The following OTUD7B variants were observed in gnomAD, a reference collection of about 807,000 sequenced individuals.
The protein encoded by OTUD7B is OTU deubiquitinase 7B, also known as OTU domain-containing protein 7B.
OTUD7B carries 34 observed loss-of-function variants against 82.2 expected under a neutral mutation model. That is an observed-to-expected ratio of 0.41 (90% confidence interval 0.31 to 0.55). The LOEUF (loss-of-function observed/expected upper bound fraction) is 0.55, where lower values mean the gene tolerates loss of function less well. Ranked by LOEUF, OTUD7B falls within the 20% of genes least tolerant of loss-of-function variation. OTUD7B has a pLI of 0.20. For synonymous variants in OTUD7B, 398 were observed against 402.7 expected, an observed-to-expected ratio of 0.99 and a Z score of 0.14; for missense variants, 944 against 1,062.1, an observed-to-expected ratio of 0.89 and a Z score of 1.55.
the OTUD7B span, among the ~76,000 whole-genome samples, chr1:150,028,490 A>G: frequency 7.2e-5 from 11 of 152,344 alleles, no homozygotes; most frequent in Admixed American, 3.9e-4. Flanking sequence ...ATACAGTTCA[A>G]TGGTATTAAG....
At position 149,941,839 on chromosome 1, in the gene OTUD7B, A is replaced by G. The variant is rs975381895; in HGVS notation, c.*2018T>C. On this transcript the variant is annotated 3_prime_UTR_variant, in exon 12 of 12. Transcript: ENST00000581312. ...TTTATAGTAACCCTTAAATTTTGCA[A>G]CTTAGGGGAGTGCTCATCTCATACC... The G allele has an allele frequency of 2.0e-5, 3 of 152,166 alleles. No individual in the cohort carries two copies. Among genetic ancestry groups the G allele is most frequent in the Admixed American group, 6.5e-5 (1 of 15,268 alleles). The allele number at this position is 152,166 out of a possible 1,614,324, so 9.4% of individuals were successfully genotyped here.
At chr1:149,995,793 G>A (rs1301541353) in intron 1 of OTUD7B, among the ~76,000 whole-genome samples, 1 of 151,982 alleles carries the variant, frequency 6.6e-6, no homozygotes. Flanking sequence ...CACATCCCAG[G>A]TATGGCACAC....
chr1:149,982,878 G>A (rs1213372194), intron 1 of OTUD7B, among the ~76,000 whole-genome samples: 10 of 113,530 alleles, frequency 8.8e-5, no homozygotes, highest in Non-Finnish European at 1.5e-4. Flanking sequence ...ACGGAGTCTC[G>A]CTCTGTCTCC....
intron 1 of OTUD7B, among the ~76,000 whole-genome samples, chr1:149,999,635 A>T (rs1196536701): frequency 6.6e-6 from 1 of 152,188 alleles, no homozygotes; most frequent in Non-Finnish European, 1.5e-5. Flanking sequence ...AGGCTGAGGT[A>T]GGAGGATGGC....
the OTUD7B span, among the ~76,000 whole-genome samples, chr1:150,042,045 A>C: frequency 3.3e-4 from 50 of 150,422 alleles, no homozygotes; most frequent in African/African-American, 6.1e-4. Flanking sequence ...TTCTTTCTTT[A>C]TTTATTTTTT....
intron 1 of OTUD7B, among the ~76,000 whole-genome samples, chr1:150,003,627 G>C (rs782169100): frequency 4.6e-5 from 7 of 152,086 alleles, no homozygotes; most frequent in Non-Finnish European, 8.8e-5. Flanking sequence ...CCTCCCACTA[G>C]ACCCATACGC....
At chr1:150,028,006 C>T in the OTUD7B span, among the ~76,000 whole-genome samples, 1 of 152,130 alleles carries the variant, frequency 6.6e-6, no homozygotes, top group African/African-American at 2.4e-5. Flanking sequence ...ATCACAAAAC[C>T]ATAATTTTAG....
intron 1 of OTUD7B, among the ~76,000 whole-genome samples, chr1:149,997,091 GA>G (rs1651970779): frequency 6.6e-6 from 1 of 152,146 alleles, no homozygotes; most frequent in Non-Finnish European, 1.5e-5. Flanking sequence ...CTTGGCAGAC[GA>G]AATTAAATAA....
chr1:150,030,678 T>C, the OTUD7B span, among the ~76,000 whole-genome samples: 1 of 152,206 alleles, frequency 6.6e-6, no homozygotes, highest in Non-Finnish European at 1.5e-5. Flanking sequence ...CTCTCCTCTC[T>C]ACTTCCTCAA....
the OTUD7B span, among the ~76,000 whole-genome samples, chr1:150,022,176 T>A: frequency 1.3e-5 from 2 of 152,024 alleles, no homozygotes; most frequent in African/African-American, 4.8e-5. Flanking sequence ...GGCAGGTGGA[T>A]CACCTGAGGT....
chr1:150,025,601 A>C, the OTUD7B span, among the ~76,000 whole-genome samples: 1 of 152,130 alleles, frequency 6.6e-6, no homozygotes, highest in Admixed American at 6.6e-5. Context: ...TCCACACCAG[A>C]GGGGAATATC....
intron 1 of OTUD7B, among the ~76,000 whole-genome samples, chr1:149,989,397 TG>T (rs1651404261): frequency 7.0e-6 from 1 of 142,726 alleles, no homozygotes; most frequent in African/African-American, 2.6e-5. Flanking sequence ...TGCTTGAACC[TG>T]GGAGGCAGAG....
At chr1:150,059,179 G>C in the OTUD7B span, among the ~76,000 whole-genome samples, 4 of 146,862 alleles carry the variant, frequency 2.7e-5, no homozygotes, top group East Asian at 4.1e-4. Flanking sequence ...TCAGCCTCCT[G>C]AGTAGCTGGG....
At position 149,983,006 on chromosome 1, in the gene OTUD7B, C is replaced by T. The variant is rs367857796; in HGVS notation, c.-66-5430G>A. ...GGAAGCTGGGACTACAGGCGCCTGC[C>T]ACCACACCCAGCTAATTTTTTTGTA... On this transcript the variant is annotated intron_variant, in intron 1 of 11. Coordinates refer to ENST00000581312, the MANE Select transcript of OTUD7B (RefSeq NM_020205.4). Among the ~76,000 whole-genome samples the T allele has an allele frequency of 3.9e-4, 59 of 152,162 alleles. No individual in the cohort carries two copies. The South Asian group carries it at 0.012, about 30-fold the overall frequency.
the OTUD7B span, chr1:150,054,828 A>AAAAAAAAAAAAAAAAAAAAAC: frequency 5.8e-6 from 1 of 171,946 alleles, no homozygotes; most frequent in Non-Finnish European, 1.2e-5. Context: ...AAAAAAAAAA[A>AAAAAAAAAAAAAAAAAAAAAC]AGACGCTGCA....
chr1:149,952,736 C>G (rs1469867256), intron 7 of OTUD7B, among the ~76,000 whole-genome samples: 1 of 152,106 alleles, frequency 6.6e-6, no homozygotes, highest in Non-Finnish European at 1.5e-5. Context: ...TTTTAATGAT[C>G]ACCATTCTAA....
chr1:149,989,953 C>G (rs1651450868), intron 1 of OTUD7B, among the ~76,000 whole-genome samples: 1 of 152,132 alleles, frequency 6.6e-6, no homozygotes, highest in Admixed American at 6.5e-5. Flanking sequence ...CACCTGGCAT[C>G]TGCTGTTATT....
chr1:149,952,938 T>C (rs1292811724), intron 7 of OTUD7B, among the ~76,000 whole-genome samples: 4 of 152,264 alleles, frequency 2.6e-5, no homozygotes, highest in Non-Finnish European at 5.9e-5. Flanking sequence ...TTGTAGATTC[T>C]GGATATTAGC....
At chr1:150,036,774 T>G in the OTUD7B span, among the ~76,000 whole-genome samples, 9 of 152,216 alleles carry the variant, frequency 5.9e-5, no homozygotes, top group Non-Finnish European at 1.2e-4. Flanking sequence ...CATTTCCATA[T>G]TGATTAAAAT....
Sources: allele counts gnomAD v4.1 joint callset (sites outside exome capture counted in the v4.1 genomes callset), GRCh38; gene constraint gnomAD v4.1.1; transcripts MANE v1.5; gene names NCBI Gene and HGNC (gene_info 2026-07-23, HGNC 2026-07-21).